PPP2R5C: variants seen among roughly 807,000 people sequenced by gnomAD.
PPP2R5C encodes protein phosphatase 2 regulatory subunit B'gamma.
PPP2R5C carries 7 observed loss-of-function variants against 68.9 expected under a neutral mutation model. That is an observed-to-expected ratio of 0.10 (90% CI 0.06 to 0.19). The LOEUF (loss-of-function observed/expected upper bound fraction) is 0.19, where lower values mean the gene tolerates loss of function less well. PPP2R5C is among the 10% of genes least tolerant of loss of function. The pLI, the probability that PPP2R5C is intolerant of heterozygous loss-of-function variation, is 1.00. For synonymous variants in PPP2R5C, 210 were observed against 222.2 expected, an observed-to-expected ratio of 0.95 and a Z score of 0.49; for missense variants, 348 against 641.3, an observed-to-expected ratio of 0.54 and a Z score of 4.94.
chr14:101,837,207 G>A (rs565266242), intron 1 of PPP2R5C, among the ~76,000 whole-genome samples: 13 of 152,210 alleles, frequency 8.5e-5, no homozygotes, highest in Non-Finnish European at 1.6e-4. Flanking sequence ...GCAGTGGTGC[G>A]ATCTCGGCTC....
intron 1 of PPP2R5C, among the ~76,000 whole-genome samples, chr14:101,852,448 C>CT (rs899160280): frequency 1.4e-5 from 2 of 141,116 alleles, no homozygotes; most frequent in Non-Finnish European, 1.6e-5. Context: ...CTTTTTTTTT[C>CT]TTTTTTTTCA....
At position 101,917,753 on chromosome 14, in the gene PPP2R5C, G is replaced by T; in HGVS notation, c.1327-78G>T. ...GGCCCTGGGGGGCGGCAGGGGAGAT[G>T]AGTCCCTAGCCAGGATGAGAAGCTT... On this transcript the variant is annotated intron_variant, in intron 12 of 13. Transcript: ENST00000334743. This position sits in a 1 kb window ranked among gnomAD's most constrained non-coding sequence, Gnocchi z 4.4. 1 of 1,587,244 alleles carries T rather than the reference G, an allele frequency of 6.3e-7. No individual in the cohort carries two copies. The highest frequency in any genetic ancestry group is 1.1e-5 in the South Asian group (1 of 88,928).
intron 1 of PPP2R5C, among the ~76,000 whole-genome samples, chr14:101,849,394 T>C (rs140592261): frequency 1.3e-5 from 2 of 152,272 alleles, no homozygotes; most frequent in Non-Finnish European, 2.9e-5. Context: ...GTGTTGTCCG[T>C]AGTGGTTTTA....
In PPP2R5C at chr14:101,924,445, C is replaced by CTTT. The variant is rs11325673; in HGVS notation, c.1444-686_1444-684dup. The stretch of plus-strand genomic sequence containing the variant: ...TTTACCTCCAAGGAAATTTCTACAT[C>CTTT]TTTTTTTTTTTTGAGATGGAGTCTG... On this transcript the variant is annotated intron_variant, in intron 13 of 13. Coordinates refer to ENST00000334743, the Ensembl canonical transcript of PPP2R5C. Among the ~76,000 whole-genome samples, 14 of 84,502 alleles carry CTTT rather than the reference C, an allele frequency of 1.7e-4. 5 individuals carry two copies. The highest frequency in any genetic ancestry group is 5.2e-4 in the African/African-American group (12 of 23,022). 55.4% of individuals were successfully genotyped at this position (84,502 alleles called of 152,430 possible). A position where few individuals can be genotyped will look rare whatever the true frequency, so the allele number is the denominator to read the frequency against.
intron 2 of PPP2R5C, among the ~76,000 whole-genome samples, chr14:101,771,164 A>G (rs976035987): frequency 6.6e-6 from 1 of 151,168 alleles, no homozygotes; most frequent in Non-Finnish European, 1.5e-5. Flanking sequence ...CTAGAAATTA[A>G]GCTCTCCAGA....
intron 8 of PPP2R5C, among the ~76,000 whole-genome samples, chr14:101,895,655 A>C (rs2045271010): frequency 1.3e-5 from 2 of 152,076 alleles, no homozygotes; most frequent in South Asian, 4.1e-4. Flanking sequence ...TTCATTCCTC[A>C]TCATGGTTGA....
intron 2 of PPP2R5C, among the ~76,000 whole-genome samples, chr14:101,881,163 C>T (rs146545352): frequency 2.8e-4 from 43 of 152,100 alleles, no homozygotes; most frequent in African/African-American, 9.9e-4. Flanking sequence ...CTGAGGGGAG[C>T]GGATCACTTG....
Position 101,880,901 on chromosome 14 carries a change from C to G in PPP2R5C, c.295-1260C>G, listed in dbSNP as rs146321540. On this transcript the variant is annotated intron_variant, in intron 2 of 13. Transcript: ENST00000334743. ...GCCAGCCAAGTTTGCCCTGGACTCT[C>G]TAGAAACATCTTCTCGTTGTTATCG... Among the ~76,000 whole-genome samples the G allele has an allele frequency of 6.6e-5, 10 of 152,290 alleles. No individual in the cohort carries two copies. In the East Asian group the frequency reaches 1.9e-3, roughly 29 times the overall value.
rs10588262 is a variant in PPP2R5C, at chr14:101,825,211, C to CGTGTGTGTGT, written c.94+15204_94+15213dup. Among the ~76,000 whole-genome samples the CGTGTGTGTGT allele has an allele frequency of 0.021, 2,939 of 143,068 alleles. 89 individuals are homozygous for CGTGTGTGTGT. The highest frequency in any genetic ancestry group is 0.08 in the East Asian group (385 of 4,810). The allele number at this position is 143,068 out of a possible 152,430, so 93.9% of individuals were successfully genotyped here. On this transcript the variant is annotated intron_variant, in intron 1 of 13. Transcript: ENST00000334743. This position sits in a 1 kb window ranked among gnomAD's most constrained non-coding sequence, Gnocchi z 4.0. ...AGGGATAGGATAAGAGGGTTTTCAG[C>CGTGTGTGTGT]GTGTGTGTGTGTGTGTGTGTGTGTG...
rs538075048 is a variant in PPP2R5C, at chr14:101,911,355, A to G, written c.1254-1046A>G. ...AAGAACACAAAATACACCTAAGTGAACTATAGAGCATGAGAGATGACAAGT... is the reference window on the plus strand; with the variant it reads ...AAGAACACAAAATACACCTAAGTGAGCTATAGAGCATGAGAGATGACAAGT... On this transcript the variant is annotated intron_variant, in intron 11 of 13. Transcript: ENST00000334743. 2.6e-5 allele frequency among the ~76,000 whole-genome samples: 4 copies of G among 152,338 alleles called. No individual in the cohort carries two copies. In the East Asian group the frequency reaches 7.7e-4, roughly 29 times the overall value.
intron 9 of PPP2R5C, among the ~76,000 whole-genome samples, chr14:101,904,160 G>T (rs1027063995): frequency 8.6e-5 from 13 of 152,040 alleles, no homozygotes; most frequent in African/African-American, 3.1e-4. Context: ...TTTTGTTTTT[G>T]GTTTGTTTTC....
At chr14:101,763,459 T>G (rs2036668464) in intron 2 of PPP2R5C, among the ~76,000 whole-genome samples, 1 of 152,000 alleles carries the variant, frequency 6.6e-6, no homozygotes, top group African/African-American at 2.4e-5. Context: ...CTTGGCTCAC[T>G]GCAACCTCTG....
chr14:101,818,742 T>C (rs61994043), intron 1 of PPP2R5C: 23,583 of 321,460 alleles, frequency 0.073, 1,130 homozygotes, highest in African/African-American at 0.16. Flanking sequence ...TTTAATTAAA[T>C]AATATTTGAA....
intron 1 of PPP2R5C, among the ~76,000 whole-genome samples, chr14:101,832,883 T>C (rs1274241637): frequency 6.6e-6 from 1 of 152,174 alleles, no homozygotes; most frequent in Non-Finnish European, 1.5e-5. Context: ...CAGTTAGCAG[T>C]TGTGGGACCT....
intron 1 of PPP2R5C, among the ~76,000 whole-genome samples, chr14:101,833,265 G>A (rs751707410): frequency 3.3e-5 from 5 of 152,262 alleles, no homozygotes; most frequent in African/African-American, 7.2e-5. Context: ...GGTCACTGGT[G>A]CTGCTGTTCA....
chr14:101,821,448 GGTGGGTGTGTGTGT>G (rs1216217979), intron 1 of PPP2R5C, among the ~76,000 whole-genome samples: 6 of 58,816 alleles, frequency 1.0e-4, no homozygotes, highest in Non-Finnish European at 2.7e-4. Flanking sequence ...GGGGTGGGTG[GGTGGGTGTGTGTGT>G]GTGTGTGTGT....
intron 3 of PPP2R5C, 82 bp downstream of exon 3, chr14:101,786,265 C>T: frequency 3.2e-6 from 4 of 1,253,674 alleles, no homozygotes; most frequent in South Asian, 1.9e-5. Context: ...CTAATTTATT[C>T]CTTTGCTGTG....
chr14:101,818,976 T>C, intron 1 of PPP2R5C: 1 of 1,521,706 alleles, frequency 6.6e-7, no homozygotes, highest in Non-Finnish European at 8.9e-7. Context: ...TATGAAAAAG[T>C]TATGTTTCAC....
rs182727287 is a variant in PPP2R5C, at chr14:101,791,553, C to G, written c.259+5370C>G. The stretch of plus-strand genomic sequence containing the variant: ...ATAAGATTACCCTGTTAAGTTGATA[C>G]GAAAGTTTTGAAACGCTTATTCTCA... On this transcript the variant is annotated intron_variant, in intron 3 of 14. Transcript: ENST00000328724. 4.8e-3 allele frequency among the ~76,000 whole-genome samples: 732 copies of G among 152,156 alleles called. 5 individuals carry two copies. Among genetic ancestry groups the G allele is most frequent in the African/African-American group, 0.017 (691 of 41,506 alleles).
Sources: gnomAD v4.1 joint callset for allele counts (sites outside exome capture counted in the v4.1 genomes callset) on GRCh38, gnomAD v4.1.1 for gene constraint, Gnocchi (gnomAD v3.1) non-coding constraint, MANE v1.5 for transcripts, NCBI Gene and HGNC (gene_info 2026-07-23, HGNC 2026-07-21) for gene names.